MBTD1: variants seen among roughly 807,000 people sequenced by gnomAD.
The protein encoded by MBTD1 is mbt domain containing 1.
MBTD1 carries 24 observed loss-of-function variants against 87.8 expected under a neutral mutation model. The observed-to-expected ratio is 0.27, with a 90% CI of 0.20 to 0.38. MBTD1 has a LOEUF of 0.38. Ranked by LOEUF, MBTD1 falls within the 10% of genes least tolerant of loss-of-function variation. MBTD1 has a pLI of 1.00. For synonymous variants in MBTD1, 237 were observed against 248.6 expected (o/e 0.95, Z 0.44); for missense variants, 436 against 760.2 (o/e 0.57, Z 5.02).
At chr17:51,238,771 A>G (rs1196012242) in intron 2 of MBTD1, among the ~76,000 whole-genome samples, 1 of 152,210 alleles carries the variant, frequency 6.6e-6, no homozygotes, top group Non-Finnish European at 1.5e-5. Flanking sequence ...TGTACTATAT[A>G]AACACTAGCA....
chr17:51,227,892 C>A (rs1568208303), intron 2 of MBTD1, among the ~76,000 whole-genome samples: 1 of 150,050 alleles, frequency 6.7e-6, no homozygotes, highest in Non-Finnish European at 1.5e-5. Flanking sequence ...GCAGAGGTTG[C>A]AGTCAGCCAA....
At chr17:51,259,647 G>A (rs1310242710) in intron 1 of MBTD1, among the ~76,000 whole-genome samples, 188 bp downstream of exon 1, 1 of 150,880 alleles carries the variant, frequency 6.6e-6, no homozygotes, top group African/African-American at 2.4e-5. Context: ...CTGACGGGGT[G>A]GGGGGAGGGG....
intron 9 of MBTD1, 59 bp downstream of exon 9, chr17:51,203,081 G>GT: frequency 7.2e-7 from 1 of 1,385,342 alleles, no homozygotes; most frequent in Non-Finnish European, 1.0e-6. Context: ...CCTTAAAAAT[G>GT]TTCTCTGTTA....
Position 51,227,808 on chromosome 17 carries a change from C to T in MBTD1, c.-48-2599G>A, listed in dbSNP as rs8072374. Among the ~76,000 whole-genome samples, 83 of 151,554 alleles carry T rather than the reference C, an allele frequency of 5.5e-4. No individual in the cohort carries two copies. The East Asian group carries it at 8.2e-3, about 15-fold the overall frequency. ...CTACTAAAAATATATACAAATTAGC[C>T]GAGCGTGGTGGTGCATGCCTGTAGT... On this transcript the variant is annotated intron_variant, in intron 2 of 16. Coordinates refer to ENST00000586178, the MANE Select transcript of MBTD1 (RefSeq NM_017643.3).
intron 4 of MBTD1, among the ~76,000 whole-genome samples, chr17:51,220,089 A>G (rs543429993): frequency 2.0e-5 from 3 of 152,368 alleles, no homozygotes; most frequent in Non-Finnish European, 2.9e-5. Context: ...TGGAAAAAGG[A>G]TATTTTAATT....
intron 7 of MBTD1, among the ~76,000 whole-genome samples, chr17:51,205,322 G>A (rs1194042389): frequency 1.3e-5 from 2 of 152,206 alleles, no homozygotes; most frequent in Admixed American, 1.3e-4. Flanking sequence ...TGGCTTAAAA[G>A]AAGATACATG....
At position 51,203,936 on chromosome 17, in the gene MBTD1, G is replaced by T. The variant is rs2051645178; in HGVS notation, c.605-11C>A. 2 of 1,580,932 alleles carry T rather than the reference G, an allele frequency of 1.3e-6. No individual in the cohort carries two copies. The highest frequency in any genetic ancestry group is 8.6e-7 in the Non-Finnish European group (1 of 1,166,166). On this transcript the variant is annotated splice_polypyrimidine_tract_variant and intron_variant, in intron 7 of 16. Coordinates refer to ENST00000586178, the MANE Select transcript of MBTD1 (RefSeq NM_017643.3). ...AAAGGGCATTGTAACCTGAAACCCAGAAATAAATCACTACATAATAAGAAA... is the reference window on the plus strand; with the variant it reads ...AAAGGGCATTGTAACCTGAAACCCATAAATAAATCACTACATAATAAGAAA...
At chr17:51,257,041 A>C (rs1048481571) in intron 2 of MBTD1, among the ~76,000 whole-genome samples, 7 of 152,372 alleles carry the variant, frequency 4.6e-5, no homozygotes, top group Middle Eastern at 3.4e-3. Context: ...CTAAATTTGC[A>C]GGTAAAAAAA....
rs542999515 is a variant in MBTD1 at position 51,194,465 on chromosome 17, G to A, written c.1372+749C>T. ...CACACCTGTAATTCCAGCTACTTGG[G>A]AGAGGAGGCACAAGAATCACTTGAA... On this transcript the variant is annotated intron_variant, in intron 13 of 16. Coordinates refer to ENST00000586178, the MANE Select transcript of MBTD1 (RefSeq NM_017643.3). 4.7e-5 allele frequency among the ~76,000 whole-genome samples: 7 copies of A among 149,934 alleles called. 1 individual carries two copies. The South Asian group carries it at 1.5e-3, about 31-fold the overall frequency.
chr17:51,219,172 G>A (rs1474570217), intron 4 of MBTD1, 128 bp from the exon 5 acceptor site: 4 of 574,064 alleles, frequency 7.0e-6, no homozygotes, highest in Non-Finnish European at 9.5e-6. Context: ...TAAAGCAGAG[G>A]AAACATACAA....
chr17:51,253,176 A>T (rs1488693743), intron 2 of MBTD1, among the ~76,000 whole-genome samples: 1 of 152,186 alleles, frequency 6.6e-6, no homozygotes, highest in Non-Finnish European at 1.5e-5. Flanking sequence ...TGGTATCAGT[A>T]AATACATGTG....
At chr17:51,186,414 G>C (rs1319548219) in intron 16 of MBTD1, 1 of 151,748 alleles carries the variant, frequency 6.6e-6, no homozygotes, top group Non-Finnish European at 1.5e-5. Flanking sequence ...CTCTCCGAGA[G>C]TCTGGTAATA....
chr17:51,245,589 A>G (rs1015781724), intron 2 of MBTD1, among the ~76,000 whole-genome samples: 1 of 151,802 alleles, frequency 6.6e-6, no homozygotes, highest in African/African-American at 2.4e-5. Context: ...CCAAATGGCT[A>G]TCTAGTTGCG....
At chr17:51,197,058 A>C (rs2051161173) in intron 12 of MBTD1, among the ~76,000 whole-genome samples, 1 of 1,022 alleles carries the variant, frequency 9.8e-4, no homozygotes, top group Non-Finnish European at 2.1e-3. Context: ...ATATATATAT[A>C]TATATATATA....
intron 16 of MBTD1, chr17:51,191,874 C>T (rs908868177): frequency 3.2e-5 from 8 of 250,562 alleles, no homozygotes; most frequent in Admixed American, 1.7e-4. Context: ...AGCCACTGCA[C>T]CTGGCTGCTA....
At chr17:51,229,893 C>T (rs968074670) in intron 2 of MBTD1, among the ~76,000 whole-genome samples, 11 of 152,096 alleles carry the variant, frequency 7.2e-5, no homozygotes, top group African/African-American at 1.7e-4. Context: ...ATCTCCTGAC[C>T]TCATGATCCC....
chr17:51,257,563 G>GATAATA (rs1192270180), intron 2 of MBTD1, among the ~76,000 whole-genome samples: 3 of 152,160 alleles, frequency 2.0e-5, no homozygotes, highest in African/African-American at 7.2e-5. Flanking sequence ...GAAAGGTTTA[G>GATAATA]ATAATAAGGT....
At chr17:51,219,939 G>A (rs1015190616) in intron 4 of MBTD1, among the ~76,000 whole-genome samples, 6 of 152,140 alleles carry the variant, frequency 3.9e-5, no homozygotes, top group East Asian at 1.9e-4. Context: ...AAGCGAGGAC[G>A]ATGAGAAAAT....
At chr17:51,205,129 T>C (rs180895050) in intron 7 of MBTD1, among the ~76,000 whole-genome samples, 53 of 152,332 alleles carry the variant, frequency 3.5e-4, no homozygotes, top group Non-Finnish European at 6.9e-4. Flanking sequence ...AAAAGGCCAA[T>C]ATATGTGTAT....
Sources: allele counts gnomAD v4.1 joint callset (sites outside exome capture counted in the v4.1 genomes callset), GRCh38; gene constraint gnomAD v4.1.1; transcripts MANE v1.5; gene names NCBI Gene and HGNC (gene_info 2026-07-23, HGNC 2026-07-21).